The following OXR1 variants were observed in gnomAD, a reference collection of about 807,000 sequenced individuals.
OXR1 encodes oxidation resistance protein 1.
In OXR1, 41 loss-of-function variants were observed where a neutral mutation model predicts 104.6. That is an observed-to-expected ratio of 0.39 (90% confidence interval 0.31 to 0.51). The LOEUF (loss-of-function observed/expected upper bound fraction) is 0.51. OXR1 is among the 20% of genes least tolerant of loss of function. The pLI is 0.77. For missense variants in OXR1, 955 were observed against 1,031.9 expected (o/e 0.93, Z 1.02); for synonymous variants, 348 against 348.4 (o/e 1.00, Z 0.01).
At chr8:106,704,393 C>CTTCTTTTTTTT (rs1830917410) in intron 8 of OXR1, among the ~76,000 whole-genome samples, 2 of 47,888 alleles carry the variant, frequency 4.2e-5, no homozygotes, top group Admixed American at 3.2e-4. Context: ...CTTTCTTCTT[C>CTTCTTTTTTTT]TTTTTTTTTT....
intron 11 of OXR1, among the ~76,000 whole-genome samples, chr8:106,723,142 G>A (rs1832969940): frequency 6.6e-6 from 1 of 150,980 alleles, no homozygotes; most frequent in Non-Finnish European, 1.5e-5. Context: ...GATTACCTGA[G>A]GTCAGGAGTT....
rs768534145 is a variant in OXR1, at chr8:106,706,684, C to T, written c.1163C>T (p.Thr388Ile). ...VESLTVKSES[T>I]GTPGHLRSDT... ...AGTCTGACAGTCAAATCAGAATCTACTGGTACTCCTGGTCACTTAAGATCT... is the reference window on the plus strand; with the variant it reads ...AGTCTGACAGTCAAATCAGAATCTATTGGTACTCCTGGTCACTTAAGATCT... The change falls in exon 9 of 17, where the codon ACT (threonine) becomes ATT (isoleucine). Residue 388 changes from threonine to isoleucine, a missense_variant. By Grantham distance (89) the Thr-to-Ile change is moderately conservative. Around this residue, in one of 2 missense-constraint regions of OXR1, gnomAD observed 849 missense variants for 852.9 expected, o/e 1.00. Coordinates refer to ENST00000517566, the MANE Select transcript of OXR1 (RefSeq NM_001198533.2). 36 of 1,613,008 alleles carry T rather than the reference C, an allele frequency of 2.2e-5. No homozygotes were observed. Among genetic ancestry groups the T allele is most frequent in the Non-Finnish European group, 3.1e-5 (36 of 1,179,562 alleles).
intron 3 of OXR1, among the ~76,000 whole-genome samples, chr8:106,564,433 C>G (rs1255495157): frequency 4.0e-5 from 6 of 151,546 alleles, no homozygotes; most frequent in African/African-American, 1.5e-4. Context: ...CCCCGCCCCA[C>G]CACGACTAAA....
intron 2 of OXR1, among the ~76,000 whole-genome samples, chr8:106,406,828 C>T (rs1325058394): frequency 6.6e-6 from 1 of 152,112 alleles, no homozygotes; most frequent in Non-Finnish European, 1.5e-5. Context: ...AGTAAATCCT[C>T]ATGGAAACTA....
chr8:106,666,590 G>A (rs945858045), intron 3 of OXR1, among the ~76,000 whole-genome samples: 2 of 152,202 alleles, frequency 1.3e-5, no homozygotes, highest in Admixed American at 6.5e-5. Context: ...AAATGGGCAA[G>A]TGGGAATTTC....
At chr8:106,488,795 G>A (rs1285752035) in intron 2 of OXR1, among the ~76,000 whole-genome samples, 1 of 148,762 alleles carries the variant, frequency 6.7e-6, no homozygotes, top group Admixed American at 6.7e-5. Flanking sequence ...CTCTGTTTTG[G>A]TACCAGTACC....
intron 2 of OXR1, among the ~76,000 whole-genome samples, chr8:106,473,698 G>A (rs1821641306): frequency 6.6e-6 from 1 of 151,742 alleles, no homozygotes; most frequent in Non-Finnish European, 1.5e-5. Context: ...AGTGGAAAGT[G>A]AAGATTTCTT....
chr8:106,556,508 TG>T (rs1816297592), intron 3 of OXR1, among the ~76,000 whole-genome samples: 1 of 151,970 alleles, frequency 6.6e-6, no homozygotes, highest in Non-Finnish European at 1.5e-5. Flanking sequence ...CTGCCTTTAT[TG>T]TGTGTGTGTG....
intron 1 of OXR1, among the ~76,000 whole-genome samples, chr8:106,303,499 A>T (rs1813348775): frequency 6.6e-6 from 1 of 151,648 alleles, no homozygotes; most frequent in Non-Finnish European, 1.5e-5. Flanking sequence ...TGGCCTCCCA[A>T]AGTGCTGGGA....
chr8:106,528,387 C>A (rs1813848129), intron 3 of OXR1, among the ~76,000 whole-genome samples: 1 of 152,194 alleles, frequency 6.6e-6, no homozygotes, highest in Non-Finnish European at 1.5e-5. Context: ...TTTTGCCCTG[C>A]TTGCAGGATA....
chr8:106,593,727 A>G (rs913209691), intron 3 of OXR1, among the ~76,000 whole-genome samples: 5 of 152,200 alleles, frequency 3.3e-5, no homozygotes, highest in African/African-American at 9.6e-5. Flanking sequence ...AGTGTGCAGA[A>G]ATCGCGCCAC....
chr8:106,559,380 C>A (rs1816514480), intron 3 of OXR1, among the ~76,000 whole-genome samples: 1 of 152,180 alleles, frequency 6.6e-6, no homozygotes, highest in Admixed American at 6.6e-5. Flanking sequence ...AAGCCCTCAA[C>A]AAAATCATCC....
intron 3 of OXR1, among the ~76,000 whole-genome samples, chr8:106,653,227 A>C (rs1473421116): frequency 6.6e-6 from 1 of 151,750 alleles, no homozygotes; most frequent in Non-Finnish European, 1.5e-5. Context: ...TCTTCCAAAA[A>C]AGTGAAAAGG....
chr8:106,713,504 A>C (rs1310131428), intron 10 of OXR1, among the ~76,000 whole-genome samples: 1 of 151,984 alleles, frequency 6.6e-6, no homozygotes, highest in Admixed American at 6.6e-5. Context: ...ATGAGGTCAA[A>C]GTTGTGTATC....
At chr8:106,458,336 T>G (rs1820718893) in intron 2 of OXR1, among the ~76,000 whole-genome samples, 1 of 152,134 alleles carries the variant, frequency 6.6e-6, no homozygotes, top group Non-Finnish European at 1.5e-5. Flanking sequence ...CAGTTGGGCC[T>G]AGATGTGGCT....
At chr8:106,293,996 GC>G (rs1444223604) in intron 1 of OXR1, among the ~76,000 whole-genome samples, 1 of 128,586 alleles carries the variant, frequency 7.8e-6, no homozygotes, top group African/African-American at 3.4e-5. Context: ...TGGTAAGTAG[GC>G]AAATAGAATA....
At chr8:106,354,079 A>G (rs1303502484) in intron 1 of OXR1, among the ~76,000 whole-genome samples, 1 of 151,350 alleles carries the variant, frequency 6.6e-6, no homozygotes, top group Non-Finnish European at 1.5e-5. Context: ...TTCTTTTGAG[A>G]AATGTCCATT....
intron 6 of OXR1, among the ~76,000 whole-genome samples, chr8:106,687,486 C>T (rs1048253582): frequency 2.6e-5 from 4 of 151,894 alleles, no homozygotes; most frequent in African/African-American, 4.8e-5. Context: ...TTTGGGAGGC[C>T]GAGGCAGGCA....
intron 3 of OXR1, among the ~76,000 whole-genome samples, chr8:106,610,581 G>T (rs1283605015): frequency 6.6e-6 from 1 of 152,050 alleles, no homozygotes; most frequent in Admixed American, 6.6e-5. Flanking sequence ...CTCGTACCAT[G>T]CCACAGTCTC....
Sources: gnomAD v4.1 joint callset for allele counts (sites outside exome capture counted in the v4.1 genomes callset) on GRCh38, gnomAD v4.1.1 for gene constraint, gnomAD v4.1.1 regional missense constraint, MANE v1.5 for transcripts, NCBI Gene and HGNC (gene_info 2026-07-23, HGNC 2026-07-21) for gene names.